Variants in THADA observed in about 807,000 individuals in gnomAD.
The protein encoded by THADA is tRNA (32-2'-O)-methyltransferase regulator THADA.
In THADA, 213 loss-of-function variants were observed where a neutral mutation model predicts 219.8. The ratio of observed to expected loss-of-function variants is 0.97; its 90% CI spans 0.87 to 1.09. The LOEUF is 1.09. Among genes scored for constraint, THADA ranks in the 50% least tolerant of loss-of-function variants. THADA has a pLI of 0.00. For missense variants in THADA, 2,956 were observed against 2,311.3 expected (o/e 1.28, Z -5.72); for synonymous variants, 1,018 against 828.9 (o/e 1.23, Z -3.92).
At chr2:43,531,411 G>C (rs1380081639) in intron 21 of THADA, among the ~76,000 whole-genome samples, 2 of 152,288 alleles carry the variant, frequency 1.3e-5, no homozygotes, top group South Asian at 2.1e-4. Flanking sequence ...ACACAGACAA[G>C]GGTAAGTAAA....
At chr2:43,511,622 G>T (rs1338887450) in intron 22 of THADA, among the ~76,000 whole-genome samples, 1 of 141,670 alleles carries the variant, frequency 7.1e-6, no homozygotes, top group African/African-American at 2.7e-5. Context: ...TAGTAAGACT[G>T]TTTTTTGCTG....
In THADA at chr2:43,552,285, G is replaced by C. The variant is rs1052367886; in HGVS notation, c.2729C>G (p.Ser910Cys). 1.9e-6 allele frequency: 3 copies of C among 1,610,730 alleles called. No individual in the cohort carries two copies. In the South Asian group the frequency reaches 3.3e-5, roughly 18 times the overall value. Residue 910 changes from serine (S) to cysteine (C), a missense_variant, in exon 18 of 38, where the codon TCT (serine) becomes TGT (cysteine). Transcript: ENST00000405975. The part of the protein sequence containing the change: ...LEEEVSQAEN[S>C]LLQAAAAFPM... ...AAATGCTGCTGCTGCCTGAAGCAGA[G>C]AATTTTCAGCCTGAGATACTTCTTC...
intron 31 of THADA, among the ~76,000 whole-genome samples, chr2:43,295,201 G>C (rs1033054375): frequency 1.3e-5 from 2 of 152,376 alleles, no homozygotes. Flanking sequence ...GACAAAGTGA[G>C]ACCCTATCTC....
chr2:43,291,962 G>A, intron 33 of THADA, 142 bp downstream of exon 33: 1 of 756,440 alleles, frequency 1.3e-6, no homozygotes, highest in Non-Finnish European at 2.1e-6. Flanking sequence ...TCTATTGCTT[G>A]AGTTTAGAAC....
Position 43,244,722 on chromosome 2 carries a change from A to C in THADA, c.5297-11840T>G, listed in dbSNP as rs562325014. 6.6e-5 allele frequency among the ~76,000 whole-genome samples: 10 copies of C among 152,340 alleles called. No homozygotes were observed. The East Asian group carries it at 1.9e-3, about 29-fold the overall frequency. Reference sequence around the variant, plus strand: ...GAACTGTGTCAGGCCTTTCCTGTGAAAAGTGCAAAGCCAGTCCCTCCACAG... The same window carrying C: ...GAACTGTGTCAGGCCTTTCCTGTGACAAGTGCAAAGCCAGTCCCTCCACAG... On this transcript the variant is annotated intron_variant, in intron 36 of 37. Transcript: ENST00000405975.
intron 26 of THADA, among the ~76,000 whole-genome samples, chr2:43,457,530 T>A (rs958557780): frequency 6.6e-6 from 1 of 152,188 alleles, no homozygotes; most frequent in Non-Finnish European, 1.5e-5. Context: ...GAAAAATGAC[T>A]GATACAAAGA....
chr2:43,310,821 G>A (rs542137886), intron 31 of THADA, among the ~76,000 whole-genome samples: 10 of 152,342 alleles, frequency 6.6e-5, no homozygotes, highest in South Asian at 6.2e-4. Flanking sequence ...TGCAAACTGT[G>A]TGTCTTATAA....
intron 37 of THADA, 43 bp downstream of exon 37, chr2:43,232,670 C>A (rs1667575052): frequency 1.9e-6 from 3 of 1,601,576 alleles, no homozygotes; most frequent in African/African-American, 2.7e-5. Context: ...GGGTTTAGGA[C>A]ACTCCAACCC....
chr2:43,237,223 T>C (rs902139430), intron 36 of THADA, among the ~76,000 whole-genome samples: 2 of 152,056 alleles, frequency 1.3e-5, no homozygotes, highest in African/African-American at 2.4e-5. Context: ...CAAATGATTT[T>C]TGACAAGGGT....
chr2:43,577,556 G>A (rs1032882967), intron 9 of THADA, among the ~76,000 whole-genome samples: 1 of 151,286 alleles, frequency 6.6e-6, no homozygotes, highest in African/African-American at 2.4e-5. Context: ...TGCTTTTAGA[G>A]GTGATTTGAG....
chr2:43,589,648 T>C (rs1244467470), intron 4 of THADA, among the ~76,000 whole-genome samples: 1 of 152,150 alleles, frequency 6.6e-6, no homozygotes, highest in Non-Finnish European at 1.5e-5. Context: ...TGCAAAGGCA[T>C]AAGAATGATA....
intron 22 of THADA, among the ~76,000 whole-genome samples, chr2:43,512,656 C>T (rs776633030): frequency 5.9e-5 from 9 of 152,220 alleles, no homozygotes; most frequent in Non-Finnish European, 1.0e-4. Flanking sequence ...GCATGGGCCA[C>T]CACGCCCAGC....
intron 29 of THADA, among the ~76,000 whole-genome samples, chr2:43,391,529 C>G (rs1673381009): frequency 6.6e-6 from 1 of 151,918 alleles, no homozygotes; most frequent in Non-Finnish European, 1.5e-5. Flanking sequence ...TTAAAAATGA[C>G]TTTTTTGGGC....
intron 25 of THADA, chr2:43,492,407 T>G (rs1687756021): frequency 6.6e-6 from 1 of 152,204 alleles, no homozygotes; most frequent in Non-Finnish European, 1.5e-5. Context: ...TATGTGTATA[T>G]TTTTCTTATC....
intron 26 of THADA, among the ~76,000 whole-genome samples, chr2:43,442,105 G>A (rs1680911302): frequency 6.6e-6 from 1 of 152,094 alleles, no homozygotes; most frequent in Non-Finnish European, 1.5e-5. Context: ...TATATCATTT[G>A]GGTCGGGGAC....
At chr2:43,323,112 G>A (rs1678936633) in intron 30 of THADA, among the ~76,000 whole-genome samples, 1 of 151,998 alleles carries the variant, frequency 6.6e-6, no homozygotes, top group South Asian at 2.1e-4. Context: ...TAAGAACATA[G>A]AGATTTGCCT....
chr2:43,485,390 G>T, intron 25 of THADA, 65 bp from the exon 26 acceptor site: 1 of 1,118,200 alleles, frequency 8.9e-7, no homozygotes, highest in Non-Finnish European at 1.3e-6. Context: ...CGTTTACAAT[G>T]TTCAAACTAG....
At chr2:43,394,711 G>A (rs1182074079) in intron 29 of THADA, among the ~76,000 whole-genome samples, 2 of 152,176 alleles carry the variant, frequency 1.3e-5, no homozygotes, top group Admixed American at 6.5e-5. Flanking sequence ...GACAGAACTA[G>A]GACAACACAG....
intron 21 of THADA, among the ~76,000 whole-genome samples, chr2:43,535,447 G>A (rs1240964610): frequency 6.6e-6 from 1 of 151,106 alleles, no homozygotes; most frequent in African/African-American, 2.4e-5. Context: ...GGGAGTCCAC[G>A]TCGGGCAGAT....
Sources: allele counts gnomAD v4.1 joint callset (sites outside exome capture counted in the v4.1 genomes callset), GRCh38; gene constraint gnomAD v4.1.1; transcripts MANE v1.5; gene names NCBI Gene and HGNC (gene_info 2026-07-23, HGNC 2026-07-21).